Variants in GNAQ observed in about 807,000 individuals in gnomAD.
The protein encoded by GNAQ is G protein subunit alpha q.
GNAQ carries 8 observed loss-of-function variants against 43.9 expected under a neutral mutation model. That is an observed-to-expected ratio of 0.18 (90% confidence interval 0.11 to 0.33). The LOEUF (loss-of-function observed/expected upper bound fraction) is 0.33, where lower values mean the gene tolerates loss of function less well. Ranked by LOEUF, GNAQ falls within the 10% of genes least tolerant of loss-of-function variation. The probability of loss-of-function intolerance (pLI) is 1.00; values close to 1 mark genes in which losing one functional copy is unlikely to be tolerated. For synonymous variants in GNAQ, 155 were observed against 170.7 expected (o/e 0.91, Z 0.71); for missense variants, 158 against 450.8 (o/e 0.35, Z 5.88).
chr9:77,875,178 A>G (rs1003932598), intron 2 of GNAQ, among the ~76,000 whole-genome samples: 34 of 152,220 alleles, frequency 2.2e-4, no homozygotes, highest in African/African-American at 8.2e-4. Flanking sequence ...CCTCAAATCT[A>G]AAGATGGTCG....
At chr9:77,931,404 AAC>A in intron 1 of GNAQ, among the ~76,000 whole-genome samples, 1 of 152,134 alleles carries the variant, frequency 6.6e-6, no homozygotes, top group East Asian at 2.0e-4. Flanking sequence ...CATCCTGGTT[AAC>A]ACAGTGAAAC....
At chr9:77,995,824 A>T (rs1165965537) in intron 1 of GNAQ, among the ~76,000 whole-genome samples, 3 of 152,142 alleles carry the variant, frequency 2.0e-5, no homozygotes, top group African/African-American at 7.2e-5. Context: ...GGCTACAGAG[A>T]ATTTTCATTT....
In GNAQ at chr9:77,904,317, C is replaced by CTTT. The variant is rs554783626; in HGVS notation, c.321+17841_321+17843dup. On this transcript the variant is annotated intron_variant, in intron 2 of 6. Transcript: ENST00000286548. ...TGGAGTTAACAGAAGTTCACACCGGCTTTTTTTTTTTTTTTTTTTTTTTTT... is the reference window on the plus strand; with the variant it reads ...TGGAGTTAACAGAAGTTCACACCGGCTTTTTTTTTTTTTTTTTTTTTTTTTTTT... Among the ~76,000 whole-genome samples the CTTT allele has an allele frequency of 2.0e-3, 151 of 77,428 alleles. 16 individuals carry two copies. The highest frequency in any genetic ancestry group is 5.2e-3 in the East Asian group (9 of 1,734). The allele number at this position is 77,428 out of a possible 152,430, so 50.8% of individuals were successfully genotyped here. A position where few individuals can be genotyped will look rare whatever the true frequency, so the allele number is the denominator to read the frequency against.
chr9:77,995,351 G>A (rs893593963), intron 1 of GNAQ, among the ~76,000 whole-genome samples: 2 of 152,110 alleles, frequency 1.3e-5, no homozygotes, highest in African/African-American at 4.8e-5. Context: ...AATCCAAAGA[G>A]TATTAATGAC....
intron 3 of GNAQ, among the ~76,000 whole-genome samples, chr9:77,808,627 T>C (rs1044430235): frequency 6.6e-6 from 1 of 152,060 alleles, no homozygotes; most frequent in Non-Finnish European, 1.5e-5. Flanking sequence ...TTTGACTGCA[T>C]AGGATAATGA....
At chr9:77,794,321 T>C in intron 5 of GNAQ, 142 bp downstream of exon 5, 1 of 499,454 alleles carries the variant, frequency 2.0e-6, no homozygotes, top group Middle Eastern at 5.5e-4. Flanking sequence ...CAGGATTATT[T>C]TTGGTTATTT....
chr9:77,819,102 A>T (rs1335879473), intron 2 of GNAQ, among the ~76,000 whole-genome samples: 1 of 151,326 alleles, frequency 6.6e-6, no homozygotes, highest in Non-Finnish European at 1.5e-5. Flanking sequence ...TTTCATTTTA[A>T]GTTACAGTTA....
intron 2 of GNAQ, among the ~76,000 whole-genome samples, chr9:77,833,959 T>C (rs534069649): frequency 6.6e-6 from 1 of 152,278 alleles, no homozygotes; most frequent in African/African-American, 2.4e-5. Flanking sequence ...TAAAACCACA[T>C]GGAAAATGGT....
intron 2 of GNAQ, among the ~76,000 whole-genome samples, chr9:77,818,707 A>G (rs1458986925): frequency 6.6e-6 from 1 of 152,166 alleles, no homozygotes; most frequent in Non-Finnish European, 1.5e-5. Flanking sequence ...GTGCACAGAA[A>G]AGCAAGGGAG....
At chr9:77,877,994 T>C (rs1828151673) in intron 2 of GNAQ, among the ~76,000 whole-genome samples, 3 of 152,290 alleles carry the variant, frequency 2.0e-5, no homozygotes, top group Middle Eastern at 6.8e-3. Flanking sequence ...TACACCACAA[T>C]TTTAATTACC....
chr9:77,917,868 G>A (rs1828936685), intron 2 of GNAQ, among the ~76,000 whole-genome samples: 1 of 152,110 alleles, frequency 6.6e-6, no homozygotes, highest in Admixed American at 6.5e-5. Flanking sequence ...ACAAGAACAG[G>A]ACAACAGATA....
At position 77,957,458 on chromosome 9, in the gene GNAQ, G is replaced by A. The variant is rs145554872; in HGVS notation, c.137-35113C>T. Among the ~76,000 whole-genome samples the A allele has an allele frequency of 1.6e-3, 236 of 152,220 alleles. 1 individual carries two copies. Among genetic ancestry groups the A allele is most frequent in the African/African-American group, 5.5e-3 (228 of 41,532 alleles). On this transcript the variant is annotated intron_variant, in intron 1 of 6. Coordinates refer to ENST00000286548, the MANE Select transcript of GNAQ (RefSeq NM_002072.5). ...CTCTTGCTTGCCCCTATCCCTGGAG[G>A]CATTCATTACGTAACTTTGCACTAC...
intron 5 of GNAQ, among the ~76,000 whole-genome samples, chr9:77,758,044 C>T (rs1825932134): frequency 6.6e-6 from 1 of 152,176 alleles, no homozygotes; most frequent in South Asian, 2.1e-4. Context: ...ACACTAAAGT[C>T]TAAAAATATT....
intron 3 of GNAQ, among the ~76,000 whole-genome samples, chr9:77,805,032 T>C (rs1826804709): frequency 6.6e-6 from 1 of 151,960 alleles, no homozygotes; most frequent in South Asian, 2.1e-4. Context: ...AGTTGCTATA[T>C]GACCACAAAA....
intron 5 of GNAQ, among the ~76,000 whole-genome samples, chr9:77,777,018 T>G (rs1252397853): frequency 6.6e-6 from 1 of 152,100 alleles, no homozygotes; most frequent in Non-Finnish European, 1.5e-5. Context: ...CAGTGTGGTA[T>G]TGACTTAAAA....
chr9:77,749,913 AT>A (rs923161105), intron 5 of GNAQ, among the ~76,000 whole-genome samples: 23 of 151,992 alleles, frequency 1.5e-4, no homozygotes, highest in African/African-American at 4.1e-4. Flanking sequence ...TATTGTGTAT[AT>A]TTTTTTCATA....
intron 1 of GNAQ, among the ~76,000 whole-genome samples, chr9:77,976,669 C>T (rs1463090249): frequency 1.3e-5 from 2 of 152,212 alleles, no homozygotes; most frequent in Admixed American, 6.5e-5. Flanking sequence ...GGATTACAGG[C>T]GTGAGCCAAC....
intron 5 of GNAQ, among the ~76,000 whole-genome samples, chr9:77,765,083 T>C (rs1274347260): frequency 1.3e-5 from 2 of 152,144 alleles, no homozygotes; most frequent in Non-Finnish European, 2.9e-5. Flanking sequence ...GAGTACCACC[T>C]AGTGGACATT....
At chr9:77,973,830 G>A (rs1219932449) in intron 1 of GNAQ, among the ~76,000 whole-genome samples, 1 of 152,026 alleles carries the variant, frequency 6.6e-6, no homozygotes, top group Non-Finnish European at 1.5e-5. Context: ...GGGCAATGAA[G>A]TCATTTTCTG....
Sources: allele counts gnomAD v4.1 joint callset (sites outside exome capture counted in the v4.1 genomes callset), GRCh38; gene constraint gnomAD v4.1.1; transcripts MANE v1.5; gene names NCBI Gene and HGNC (gene_info 2026-07-23, HGNC 2026-07-21).